The following OR56A4 variants were observed in gnomAD, a reference collection of about 807,000 sequenced individuals.
OR56A4 encodes the protein olfactory receptor family 56 subfamily A member 4.
OR56A4 carries 9 observed loss-of-function variants against 13.6 expected under a neutral mutation model. The observed-to-expected ratio is 0.66, with a 90% CI of 0.40 to 1.15. The LOEUF is 1.15. Among genes scored for constraint, OR56A4 ranks in the 50% most tolerant of loss-of-function variants. The probability of loss-of-function intolerance (pLI) is 0.01; values close to 1 mark genes in which losing one functional copy is unlikely to be tolerated. For synonymous variants in OR56A4, 167 were observed against 153.9 expected, an observed-to-expected ratio of 1.08 and a Z score of -0.63; for missense variants, 380 against 375.9, an observed-to-expected ratio of 1.01 and a Z score of -0.09.
rs759833317 is a variant in OR56A4, at chr11:6,002,407, T to A, written c.586A>T (p.Thr196Ser). The change falls in exon 3 of 3, where the codon ACT becomes TCT. Residue 196 changes from threonine (T) to serine (S), a missense_variant. Thr to Ser is a moderately conservative substitution (Grantham distance 58). Coordinates refer to ENST00000641156, the MANE Select transcript of OR56A4 (RefSeq NM_001005179.4). ...SVSKLSCDDI[T>S]FNQLYQFVAG... ...ACAAACTGGTAGAGCTGATTGAAAG[T>A]GATGTCATCACAAGAGAGTTTGGAC... 2 of 1,614,216 alleles carry A rather than the reference T, an allele frequency of 1.2e-6. No individual in the cohort carries two copies. The highest frequency in any genetic ancestry group is 3.3e-5 in the Admixed American group (2 of 60,030).
intron 2 of OR56A4, 29 bp from the exon 3 acceptor site, chr11:6,003,057 C>T: frequency 6.2e-7 from 1 of 1,613,730 alleles, no homozygotes; most frequent in South Asian, 1.1e-5. Flanking sequence ...AGTACAGAAA[C>T]ATAAAAAGTA....
rs374429426 is a variant in OR56A4 at position 6,002,857 on chromosome 11, T to G, written c.136A>C (p.Thr46Pro). 2.8e-5 allele frequency: 45 copies of G among 1,613,622 alleles called. 1 individual carries two copies. In the African/African-American group the frequency reaches 5.5e-4, roughly 20 times the overall value. Residue 46 changes from threonine to proline, a missense_variant, in exon 3 of 3, where the codon ACC becomes CCC. Physicochemically the swap from Thr to Pro is conservative, Grantham distance 38 (BLOSUM62 -1). Coordinates refer to ENST00000641156, the MANE Select transcript of OR56A4 (RefSeq NM_001005179.4). ...LLFLLAMGAN[T>P]TLLITIQLEA... is the part of the protein sequence containing the mutation. The stretch of plus-strand genomic sequence containing the variant: ...AGCTGGATGGTGATCAGGAGGGTGG[T>G]GTTAGCTCCCATGGCCAGGAGGAAG...
intron 2 of OR56A4, among the ~76,000 whole-genome samples, chr11:6,005,095 C>T (rs766814103): frequency 4.6e-5 from 7 of 152,060 alleles, no homozygotes; most frequent in South Asian, 2.1e-4. Context: ...TTATACTGAT[C>T]ATGTAAACCT....
Position 6,006,381 on chromosome 11 carries a change from A to G in OR56A4, c.-169T>C, listed in dbSNP as rs896539240. 2.0e-5 allele frequency: 3 copies of G among 152,024 alleles called. No homozygotes were observed. Among genetic ancestry groups the G allele is most frequent in the African/African-American group, 4.8e-5 (2 of 41,370 alleles). 9.4% of individuals were successfully genotyped at this position (152,024 alleles called of 1,614,324 possible). ...ATTGTTTTCGATCTTCAGTATGCCA[A>G]CTCCATCAGTTCATACCCTAGACTG... On this transcript the variant is annotated 5_prime_UTR_variant, in exon 2 of 3. Transcript: ENST00000641156.
Position 6,002,532 on chromosome 11 carries a change from C to T in OR56A4, c.461G>A (p.Arg154Gln), listed in dbSNP as rs17809527. The change falls in exon 3 of 3, where the codon CGG (arginine) becomes CAG (glutamine). Residue 154 changes from arginine (R) to glutamine (Q), a missense_variant. Physicochemically the swap from Arg to Gln is conservative, Grantham distance 43 (BLOSUM62 1). Coordinates refer to ENST00000641156, the MANE Select transcript of OR56A4 (RefSeq NM_001005179.4). ...AACAGGAAGAGAAACAAAGGCATTC[C>T]GGGCTATAACAAAGACCACGGCCCT... ...VARAVVFVIARNAFVSLPVPM... is the reference protein window; with the variant it reads ...VARAVVFVIAQNAFVSLPVPM... 4.1e-3 allele frequency: 6,641 copies of T among 1,614,156 alleles called. 24 individuals carry two copies. Among genetic ancestry groups the T allele is most frequent in the Non-Finnish European group, 5.2e-3 (6,091 of 1,180,012 alleles).
At chr11:6,006,090 C>T (rs1258217767) in intron 2 of OR56A4, among the ~76,000 whole-genome samples, 159 bp downstream of exon 2, 1 of 152,028 alleles carries the variant, frequency 6.6e-6, no homozygotes, top group Admixed American at 6.6e-5. Flanking sequence ...CAAGAAAATT[C>T]AGTGTAAGAA....
In OR56A4 at chr11:6,002,319, A is replaced by G; in HGVS notation, c.674T>C (p.Leu225Ser). 6.2e-7 allele frequency: 1 copy of G among 1,614,176 alleles called. No homozygotes were observed. Among genetic ancestry groups the G allele is most frequent in the Non-Finnish European group, 8.5e-7 (1 of 1,179,994 alleles). The part of the protein sequence containing the change: ...ILIVISYSFI[L>S]KVVLRIKAEG... ...GGCCTTGATCCTAAGCACAACTTTC[A>G]ATATAAAAGAATAGGAGATAACAAT... Residue 225 changes from leucine to serine, a missense_variant, in exon 3 of 3, where the codon TTG becomes TCG. Physicochemically the swap from Leu to Ser is moderately radical, Grantham distance 145 (BLOSUM62 -2). Coordinates refer to ENST00000641156, the MANE Select transcript of OR56A4 (RefSeq NM_001005179.4).
In OR56A4 at chr11:6,002,440, G is replaced by C; in HGVS notation, c.553C>G (p.Leu185Val). ...NIIKNCICSN[L>V]SVSKLSCDDI... is the part of the protein sequence containing the mutation. Reference sequence around the variant, plus strand: ...TCACAAGAGAGTTTGGACACAGACAGGTTACTGCAGATGCAGTTCTTGATT... The same window carrying C: ...TCACAAGAGAGTTTGGACACAGACACGTTACTGCAGATGCAGTTCTTGATT... The change falls in exon 3 of 3, where the codon CTG (leucine) becomes GTG (valine). Residue 185 changes from leucine to valine, a missense_variant. Transcript: ENST00000641156. 6.2e-7 allele frequency: 1 copy of C among 1,614,244 alleles called. No homozygotes were observed. Among genetic ancestry groups the C allele is most frequent in the African/African-American group, 1.3e-5 (1 of 75,068 alleles).
chr11:6,002,294 G>A lies in OR56A4; in HGVS notation c.699C>T (p.Ala233=), dbSNP rs368671932. The change falls in exon 3 of 3, where the codon GCC becomes GCT. Residue 233 remains alanine, a synonymous_variant. Transcript: ENST00000641156. ...TCAAGGCCTTGGCCACAGCACCCTC[G>A]GCCTTGATCCTAAGCACAACTTTCA... The part of the protein sequence containing the change: ...FILKVVLRIK[A]EGAVAKALST... The A allele has an allele frequency of 9.4e-5, 151 of 1,614,036 alleles. No individual in the cohort carries two copies. The highest frequency in any genetic ancestry group is 4.9e-4 in the Middle Eastern group (3 of 6,084).
intron 2 of OR56A4, among the ~76,000 whole-genome samples, chr11:6,005,525 C>T (rs1427300714): frequency 5.3e-5 from 8 of 152,164 alleles, no homozygotes; most frequent in Non-Finnish European, 1.0e-4. Flanking sequence ...TGTAGGAAAT[C>T]ACAGAATATT....
rs1000792354 is a variant in OR56A4 at position 6,001,240 on chromosome 11, A to T, written c.*811T>A. 1.3e-5 allele frequency: 2 copies of T among 152,292 alleles called. No homozygotes were observed. The highest frequency in any genetic ancestry group is 2.9e-5 in the Non-Finnish European group (2 of 68,074). The allele number at this position is 152,292 out of a possible 1,614,324, so 9.4% of individuals were successfully genotyped here. A position where few individuals can be genotyped will look rare whatever the true frequency, so the allele number is the denominator to read the frequency against. ...TGAACAGGATGGCTCATTTGTGCCTAGGATGGGGACTTCAAGGTGAGATAG... is the reference window on the plus strand; with the variant it reads ...TGAACAGGATGGCTCATTTGTGCCTTGGATGGGGACTTCAAGGTGAGATAG... On this transcript the variant is annotated 3_prime_UTR_variant, in exon 3 of 3. Transcript: ENST00000641156.
chr11:6,002,745 T>A lies in OR56A4; in HGVS notation c.248A>T (p.Lys83Met). The A allele has an allele frequency of 1.9e-6, 3 of 1,614,130 alleles. No homozygotes were observed. Among genetic ancestry groups the A allele is most frequent in the Non-Finnish European group, 2.5e-6 (3 of 1,179,996 alleles). ...GTCAAACCAGAAGATGGCCAGGACC[T>A]TGGGGATGACGGTGAGGCAGAGCAC... The part of the protein sequence containing the change: ...DIVLCLTVIP[K>M]VLAIFWFDLR... Residue 83 changes from lysine (K) to methionine (M), a missense_variant, in exon 3 of 3, where the codon AAG becomes ATG. Physicochemically the swap from Lys to Met is moderately conservative, Grantham distance 95. Coordinates refer to ENST00000641156, the MANE Select transcript of OR56A4 (RefSeq NM_001005179.4).
At position 6,001,945 on chromosome 11, in the gene OR56A4, G is replaced by T; in HGVS notation, c.*106C>A. On this transcript the variant is annotated 3_prime_UTR_variant, in exon 3 of 3. Coordinates refer to ENST00000641156, the MANE Select transcript of OR56A4 (RefSeq NM_001005179.4). ...TGAGAACAGAAGAATCCGAACTCAG[G>T]CAGGATTTAAAGTGAAATTTCCTTT... 8.7e-7 allele frequency: 1 copy of T among 1,143,450 alleles called. No homozygotes were observed. Among genetic ancestry groups the T allele is most frequent in the Non-Finnish European group, 1.2e-6 (1 of 820,718 alleles). The allele number at this position is 1,143,450 out of a possible 1,614,324, so 70.8% of individuals were successfully genotyped here.
In OR56A4 at chr11:6,001,433, C is replaced by T. The variant is rs1157112565; in HGVS notation, c.*618G>A. 6.6e-6 allele frequency: 1 copy of T among 152,182 alleles called. No homozygotes were observed. The highest frequency in any genetic ancestry group is 1.5e-5 in the Non-Finnish European group (1 of 68,048). The allele number at this position is 152,182 out of a possible 1,614,324, so 9.4% of individuals were successfully genotyped here. ...CTAAGTAGAGAGAAAGAATAGAAAA[C>T]GCTGCCCTCAGAGAGGTGGTACAGA... On this transcript the variant is annotated 3_prime_UTR_variant, in exon 3 of 3. Transcript: ENST00000641156.
chr11:6,002,110 A>G lies in OR56A4; in HGVS notation c.883T>C (p.Tyr295His). 1 of 1,613,166 alleles carries G rather than the reference A, an allele frequency of 6.2e-7. No individual in the cohort carries two copies. Among genetic ancestry groups the G allele is most frequent in the Non-Finnish European group, 8.5e-7 (1 of 1,179,632 alleles). Residue 295 changes from tyrosine (Y) to histidine (H), a missense_variant, in exon 3 of 3, where the codon TAT becomes CAT. By Grantham distance (83) the Tyr-to-His change is moderately conservative. Transcript: ENST00000641156. ...LIPPALNPIV[Y>H]GVRTKEIKQG... is the part of the protein sequence containing the mutation. ...TTGATCTCCTTGGTTCTCACACCATAAACAATGGGGTTCAGAGCTGGGGGA... is the reference window on the plus strand; with the variant it reads ...TTGATCTCCTTGGTTCTCACACCATGAACAATGGGGTTCAGAGCTGGGGGA...
Position 6,002,057 on chromosome 11 carries a change from C to A in OR56A4, c.936G>T (p.Arg312Ser). 2 of 1,571,506 alleles carry A rather than the reference C, an allele frequency of 1.3e-6. No homozygotes were observed. Among genetic ancestry groups the A allele is most frequent in the Non-Finnish European group, 1.7e-6 (2 of 1,160,974 alleles). The change falls in exon 3 of 3, where the codon AGG becomes AGT. Residue 312 changes from arginine (R) to serine (S), a missense_variant. By Grantham distance (110) the Arg-to-Ser change is moderately radical. Coordinates refer to ENST00000641156, the MANE Select transcript of OR56A4 (RefSeq NM_001005179.4). ...IKQGIQNLLK[R>S]L ...GATCTAATCCTTTTTATTCTTACAA[C>A]CTCTTCAGCAGGTTTTGGATTCCCT...
In OR56A4 at chr11:6,002,210, C is replaced by A. The variant is rs1161836951; in HGVS notation, c.783G>T (p.Leu261=). ...TCTTCCTGGCCAGGTTAGTGATGAC[C>A]AGAACCAGCAGGACTGTGCTGAAGA... is the stretch of plus-strand genomic sequence containing the variant. ...ILFFSTVLLV[L]VITNLARKRI... The change falls in exon 3 of 3, where the codon CTG becomes CTT. Residue 261 remains leucine, a synonymous_variant. Coordinates refer to ENST00000641156, the MANE Select transcript of OR56A4 (RefSeq NM_001005179.4). 2 of 1,614,074 alleles carry A rather than the reference C, an allele frequency of 1.2e-6. No homozygotes were observed. Among genetic ancestry groups the A allele is most frequent in the South Asian group, 1.1e-5 (1 of 91,050 alleles).
chr11:6,002,260 C>T lies in OR56A4; in HGVS notation c.733G>A (p.Gly245Ser). 1 of 1,614,134 alleles carries T rather than the reference C, an allele frequency of 6.2e-7. No homozygotes were observed. The highest frequency in any genetic ancestry group is 1.1e-5 in the South Asian group (1 of 91,052). The change falls in exon 3 of 3, where the codon GGT becomes AGT. Residue 245 changes from glycine to serine, a missense_variant. Physicochemically the swap from Gly to Ser is moderately conservative, Grantham distance 56 (BLOSUM62 0). Coordinates refer to ENST00000641156, the MANE Select transcript of OR56A4 (RefSeq NM_001005179.4). Reference sequence around the variant, plus strand: ...AAGAGGATGAGGATGAAGTGGGAACCACACGTGCTCAAGGCCTTGGCCACA... The same window carrying T: ...AAGAGGATGAGGATGAAGTGGGAACTACACGTGCTCAAGGCCTTGGCCACA... ...GAVAKALSTC[G>S]SHFILILFFS...
At chr11:6,005,139 C>A (rs1196600384) in intron 2 of OR56A4, among the ~76,000 whole-genome samples, 1 of 152,044 alleles carries the variant, frequency 6.6e-6, no homozygotes, top group African/African-American at 2.4e-5. Flanking sequence ...GCCCAGTTTT[C>A]TCACAAATGA....
Sources: gnomAD v4.1 joint callset for allele counts (sites outside exome capture counted in the v4.1 genomes callset) on GRCh38, gnomAD v4.1.1 for gene constraint, MANE v1.5 for transcripts, NCBI Gene and HGNC (gene_info 2026-07-23, HGNC 2026-07-21) for gene names.